Variants in CDK1 observed in about 807,000 individuals in gnomAD.
CDK1 encodes the protein cyclin dependent kinase 1.
Under a neutral mutation model 34.6 loss-of-function variants are expected in CDK1, and 5 were observed. The observed-to-expected ratio is 0.14, with a 90% CI of 0.08 to 0.30. CDK1 has a LOEUF of 0.30. CDK1 is among the 10% of genes least tolerant of loss of function. The pLI is 1.00. For missense variants in CDK1, 157 were observed against 345.7 expected, an observed-to-expected ratio of 0.45 and a Z score of 4.33; for synonymous variants, 108 against 114.7, an observed-to-expected ratio of 0.94 and a Z score of 0.37.
At chr10:60,786,440 T>G (rs956999072) in intron 4 of CDK1, 1 of 682,466 alleles carries the variant, frequency 1.5e-6, no homozygotes. Context: ...TCTATTTACA[T>G]TTTTGATATA....
chr10:60,780,808 C>T (rs538306381), intron 2 of CDK1, among the ~76,000 whole-genome samples: 15 of 152,158 alleles, frequency 9.9e-5, no homozygotes, highest in African/African-American at 3.6e-4. Context: ...TATATCCCTT[C>T]GCCTGTTCCT....
chr10:60,780,294 C>T, intron 2 of CDK1, 92 bp downstream of exon 2: 1 of 766,916 alleles, frequency 1.3e-6, no homozygotes. Flanking sequence ...TATTAAAATT[C>T]AACCATTAAG....
intron 2 of CDK1, among the ~76,000 whole-genome samples, chr10:60,783,313 A>G (rs3213041): frequency 0.016 from 2,505 of 152,296 alleles, 30 homozygotes; most frequent in African/African-American, 0.029. Context: ...GACTCATGTC[A>G]GTTTATAGTT....
At chr10:60,786,099 A>G (rs969055411) in intron 4 of CDK1, 7 of 1,014,360 alleles carry the variant, frequency 6.9e-6, no homozygotes, top group Admixed American at 5.8e-5. Flanking sequence ...AGCCTAGGGC[A>G]GAGTGGTGGT....
upstream of CDK1, chr10:60,778,473 T>A (rs2080241424): frequency 6.6e-6 from 1 of 152,280 alleles, no homozygotes; most frequent in South Asian, 2.1e-4. Context: ...AGTTTGAAAC[T>A]GCTCGCACTT....
chr10:60,794,663 G>A lies in CDK1; in HGVS notation c.*688G>A, dbSNP rs1322882057. The A allele has an allele frequency of 2.0e-5, 3 of 152,098 alleles. No individual in the cohort carries two copies. The highest frequency in any genetic ancestry group is 3.9e-4 in the East Asian group (2 of 5,192). The allele number at this position is 152,098 out of a possible 1,614,324, so 9.4% of individuals were successfully genotyped here. On this transcript the variant is annotated 3_prime_UTR_variant, in exon 8 of 8. Coordinates refer to ENST00000395284, the MANE Select transcript of CDK1 (RefSeq NM_001786.5). The stretch of plus-strand genomic sequence containing the variant: ...TCTTATTTTTAGGTAGGTTTTGAAA[G>A]CTTTTTGTCTAAGTGAATTCTTATG...
chr10:60,784,237 T>C (rs2080296545), intron 2 of CDK1, among the ~76,000 whole-genome samples: 1 of 150,956 alleles, frequency 6.6e-6, no homozygotes, highest in African/African-American at 2.4e-5. Context: ...TACTCTCAAT[T>C]TCTTTTTGGA....
chr10:60,793,922 G>A lies in CDK1; in HGVS notation c.841G>A (p.Ala281Thr). 1.9e-6 allele frequency: 3 copies of A among 1,559,604 alleles called. No individual in the cohort carries two copies. The highest frequency in any genetic ancestry group is 2.6e-6 in the Non-Finnish European group (3 of 1,159,048). ...DPAKRISGKM[A>T]LNHPYFNDLD... is the part of the protein sequence containing the mutation. ...AGCCAAACGAATTTCTGGCAAAATG[G>A]CACTGAATCATCCATATTTTAATGA... The change falls in exon 8 of 8, where the codon GCA becomes ACA. Residue 281 changes from alanine to threonine, a missense_variant. Physicochemically the swap from Ala to Thr is moderately conservative, Grantham distance 58. This residue lies in a region of CDK1 where 102 missense variants were observed against 233.6 expected (regional missense o/e 0.44). Transcript: ENST00000395284.
At chr10:60,785,564 T>C (rs1295837091) in intron 3 of CDK1, 100 bp from the exon 4 acceptor site, 52 of 736,298 alleles carry the variant, frequency 7.1e-5, no homozygotes, top group Non-Finnish European at 2.2e-6. Context: ...CTTCCCCAGT[T>C]TTTATTATAG....
chr10:60,782,266 G>T (rs2080279499), intron 2 of CDK1, among the ~76,000 whole-genome samples: 1 of 152,118 alleles, frequency 6.6e-6, no homozygotes, highest in South Asian at 2.1e-4. Flanking sequence ...CTGTATGTAT[G>T]TTAGCATTAT....
Position 60,794,584 on chromosome 10 carries a change from A to G in CDK1, c.*609A>G, listed in dbSNP as rs1247814117. Reference sequence around the variant, plus strand: ...ATGCCAAAATTTGCTAAGTCTTACAAAGATCAAGGGCTGTCCGCAACAGGG... The same window carrying G: ...ATGCCAAAATTTGCTAAGTCTTACAGAGATCAAGGGCTGTCCGCAACAGGG... On this transcript the variant is annotated 3_prime_UTR_variant, in exon 8 of 8. Transcript: ENST00000395284. 6.6e-6 allele frequency: 1 copy of G among 152,180 alleles called. No individual in the cohort carries two copies. The highest frequency in any genetic ancestry group is 2.4e-5 in the African/African-American group (1 of 41,460). The allele number at this position is 152,180 out of a possible 1,614,324, so 9.4% of individuals were successfully genotyped here.
chr10:60,780,535 CTAACTTCA>C (rs1290974447), intron 2 of CDK1, among the ~76,000 whole-genome samples: 1 of 152,108 alleles, frequency 6.6e-6, no homozygotes, highest in Admixed American at 6.5e-5. Flanking sequence ...CAGAATTATG[CTAACTTCA>C]TAATATATTT....
intron 2 of CDK1, among the ~76,000 whole-genome samples, chr10:60,781,938 A>G (rs2080276885): frequency 6.6e-6 from 1 of 152,180 alleles, no homozygotes; most frequent in African/African-American, 2.4e-5. Context: ...GCTCTTCTGA[A>G]CACTGTTGTT....
chr10:60,786,437 A>T, intron 4 of CDK1: 1 of 690,646 alleles, frequency 1.4e-6, no homozygotes, highest in Non-Finnish European at 1.8e-6. Context: ...ATGTCTATTT[A>T]CATTTTTGAT....
intron 5 of CDK1, 60 bp downstream of exon 5, chr10:60,788,290 T>G (rs552155589): frequency 8.5e-7 from 1 of 1,181,446 alleles, no homozygotes; most frequent in Admixed American, 2.5e-5. Flanking sequence ...GATTATTTTC[T>G]GTATTTGTGA....
chr10:60,791,088 T>C (rs1015110610), intron 5 of CDK1, among the ~76,000 whole-genome samples: 1 of 152,146 alleles, frequency 6.6e-6, no homozygotes. Flanking sequence ...TTGATGGAGA[T>C]TGCACTGAAT....
chr10:60,789,561 G>A (rs576875924), intron 5 of CDK1, among the ~76,000 whole-genome samples: 14 of 152,056 alleles, frequency 9.2e-5, no homozygotes, highest in Non-Finnish European at 1.8e-4. Flanking sequence ...TTTTATGGCT[G>A]AGTAGTATTC....
At chr10:60,788,710 T>C (rs191756554) in intron 5 of CDK1, among the ~76,000 whole-genome samples, 1 of 152,222 alleles carries the variant, frequency 6.6e-6, no homozygotes, top group Admixed American at 6.5e-5. Flanking sequence ...AATTGCTAAC[T>C]ATAATTTATG....
intron 1 of CDK1, among the ~76,000 whole-genome samples, chr10:60,779,274 A>G (rs934291773): frequency 3.3e-5 from 5 of 152,240 alleles, no homozygotes; most frequent in Non-Finnish European, 7.3e-5. Context: ...AGTGTGCTTT[A>G]TAAATGATTT....
Sources: allele counts gnomAD v4.1 joint callset (sites outside exome capture counted in the v4.1 genomes callset), GRCh38; gene constraint gnomAD v4.1.1; regional missense constraint gnomAD v4.1.1; transcripts MANE v1.5; gene names NCBI Gene and HGNC (gene_info 2026-07-23, HGNC 2026-07-21).